The following EFNA5 variants were observed in gnomAD, a reference collection of about 807,000 sequenced individuals.
The protein encoded by EFNA5 is ephrin A5.
Under a neutral mutation model 22.9 loss-of-function variants are expected in EFNA5, and 5 were observed. The ratio of observed to expected loss-of-function variants is 0.22; its 90% CI spans 0.11 to 0.46. The LOEUF is 0.46. Ranked by LOEUF, EFNA5 falls within the 20% of genes least tolerant of loss-of-function variation. The pLI, the probability that EFNA5 is intolerant of heterozygous loss-of-function variation, is 0.99. For synonymous variants in EFNA5, 113 were observed against 112.2 expected (o/e 1.01, Z -0.04); for missense variants, 237 against 293.3 (o/e 0.81, Z 1.40).
At position 107,476,056 on chromosome 5, in the gene EFNA5, A is replaced by AT. The variant is rs1251405666; in HGVS notation, c.126-48548dup. Among the ~76,000 whole-genome samples the AT allele has an allele frequency of 6.3e-4, 73 of 115,390 alleles. 9 individuals are homozygous for AT. Among genetic ancestry groups the AT allele is most frequent in the East Asian group, 6.1e-3 (27 of 4,396 alleles). The allele number at this position is 115,390 out of a possible 152,430, so 75.7% of individuals were successfully genotyped here. On this transcript the variant is annotated intron_variant, in intron 1 of 4. Transcript: ENST00000333274. ...TTGAGAGTTTTTAAACTATATATAT[A>AT]TTTTTTTTTTTTGAGACAGAGTCTT...
chr5:107,638,877 T>C (rs921313563), intron 1 of EFNA5, among the ~76,000 whole-genome samples: 2 of 152,154 alleles, frequency 1.3e-5, no homozygotes, highest in African/African-American at 4.8e-5. Flanking sequence ...AACTAATGCA[T>C]ATGTTAAATA....
In EFNA5 at chr5:107,380,492, T is replaced by A; in HGVS notation, c.*763A>T. On this transcript the variant is annotated 3_prime_UTR_variant, in exon 5 of 5. Coordinates refer to ENST00000333274, the MANE Select transcript of EFNA5 (RefSeq NM_001962.3). ...CAGTCACCAAAAAAATTAGAGGCAC[T>A]CACACATACACACCCCCAGCAAACC... 1 of 166,146 alleles carries A rather than the reference T, an allele frequency of 6.0e-6. No individual in the cohort carries two copies. The allele number at this position is 166,146 out of a possible 1,614,324, so 10.3% of individuals were successfully genotyped here.
intron 1 of EFNA5, among the ~76,000 whole-genome samples, chr5:107,660,186 G>C (rs571817798): frequency 6.9e-6 from 1 of 144,810 alleles, no homozygotes; most frequent in Admixed American, 7.1e-5. Context: ...CTAATAACAG[G>C]CATTTAATTA....
chr5:107,511,391 T>G (rs1747367651), intron 1 of EFNA5, among the ~76,000 whole-genome samples: 1 of 152,132 alleles, frequency 6.6e-6, no homozygotes, highest in African/African-American at 2.4e-5. Context: ...TCAGGGATAT[T>G]TGAACACATT....
At chr5:107,417,793 T>C (rs911353388) in intron 2 of EFNA5, among the ~76,000 whole-genome samples, 3 of 152,182 alleles carry the variant, frequency 2.0e-5, no homozygotes, top group Non-Finnish European at 4.4e-5. Context: ...TTTGTGGTGA[T>C]TTATATTTCC....
At chr5:107,670,141 C>A (rs1320668736) in intron 1 of EFNA5, among the ~76,000 whole-genome samples, 2 of 151,876 alleles carry the variant, frequency 1.3e-5, no homozygotes, top group Non-Finnish European at 2.9e-5. Context: ...ACACTGGGGG[C>A]TCCCCGCGCC....
intron 1 of EFNA5, among the ~76,000 whole-genome samples, chr5:107,554,036 G>A (rs1316456088): frequency 6.6e-6 from 1 of 152,194 alleles, no homozygotes; most frequent in Non-Finnish European, 1.5e-5. Flanking sequence ...ACCTAGAGTT[G>A]AGAAGTAATT....
At chr5:107,670,300 C>A (rs905767757) in intron 1 of EFNA5, among the ~76,000 whole-genome samples, 189 bp downstream of exon 1, 12 of 152,148 alleles carry the variant, frequency 7.9e-5, no homozygotes, top group Admixed American at 3.9e-4. Context: ...GGCCTTTCCG[C>A]GGCGGCTTAA....
At chr5:107,589,187 A>G (rs1178231379) in intron 1 of EFNA5, among the ~76,000 whole-genome samples, 1 of 152,222 alleles carries the variant, frequency 6.6e-6, no homozygotes, top group African/African-American at 2.4e-5. Context: ...AGCCAACTGA[A>G]TTATGCTTGA....
intron 1 of EFNA5, among the ~76,000 whole-genome samples, chr5:107,570,165 C>T (rs546803322): frequency 6.6e-6 from 1 of 152,242 alleles, no homozygotes; most frequent in Admixed American, 6.5e-5. Context: ...AAAGGAAGGG[C>T]CTCTAATTTC....
At chr5:107,645,573 C>T (rs1750616434) in intron 1 of EFNA5, among the ~76,000 whole-genome samples, 1 of 152,164 alleles carries the variant, frequency 6.6e-6, no homozygotes, top group African/African-American at 2.4e-5. Flanking sequence ...TACCCTAAAA[C>T]ACCAGAACAA....
intron 1 of EFNA5, among the ~76,000 whole-genome samples, chr5:107,523,262 T>A (rs537444031): frequency 6.6e-6 from 1 of 152,280 alleles, no homozygotes; most frequent in Non-Finnish European, 1.5e-5. Context: ...AGCCATGATA[T>A]CATTCAGTTA....
chr5:107,655,785 G>A (rs777241786), intron 1 of EFNA5, among the ~76,000 whole-genome samples: 1 of 152,120 alleles, frequency 6.6e-6, no homozygotes, highest in Non-Finnish European at 1.5e-5. Flanking sequence ...CCCTTTGGCA[G>A]TAATCTATTA....
intron 1 of EFNA5, among the ~76,000 whole-genome samples, chr5:107,603,257 C>A (rs1359776250): frequency 6.6e-6 from 1 of 152,162 alleles, no homozygotes; most frequent in East Asian, 1.9e-4. Context: ...AGAGTCACTA[C>A]TCCTTTTAAT....
At chr5:107,495,674 C>T (rs1746957611) in intron 1 of EFNA5, among the ~76,000 whole-genome samples, 1 of 152,158 alleles carries the variant, frequency 6.6e-6, no homozygotes, top group South Asian at 2.1e-4. Flanking sequence ...TGTTCTCAAG[C>T]AGTTTGAAAC....
At chr5:107,521,847 CGCTAT>C (rs1747606403) in intron 1 of EFNA5, among the ~76,000 whole-genome samples, 1 of 152,002 alleles carries the variant, frequency 6.6e-6, no homozygotes, top group Admixed American at 6.6e-5. Context: ...AGTCAGTTCC[CGCTAT>C]GTTTTCCAGG....
At chr5:107,495,777 T>C (rs1460495019) in intron 1 of EFNA5, among the ~76,000 whole-genome samples, 4 of 152,148 alleles carry the variant, frequency 2.6e-5, no homozygotes, top group Admixed American at 6.5e-5. Context: ...GAAGTCAGGA[T>C]CTTCTAGTAT....
intron 1 of EFNA5, among the ~76,000 whole-genome samples, chr5:107,661,439 A>T (rs1469345345): frequency 1.2e-4 from 19 of 152,230 alleles, no homozygotes; most frequent in Admixed American, 1.2e-3. Flanking sequence ...CTCCATCTCA[A>T]AGTGTCAGTC....
At chr5:107,442,787 T>C (rs1749289135) in intron 1 of EFNA5, among the ~76,000 whole-genome samples, 1 of 152,072 alleles carries the variant, frequency 6.6e-6, no homozygotes, top group African/African-American at 2.4e-5. Context: ...GACTTTTTTT[T>C]TTCTCTTTTT....
Sources: gnomAD v4.1 joint callset for allele counts (sites outside exome capture counted in the v4.1 genomes callset) on GRCh38, gnomAD v4.1.1 for gene constraint, MANE v1.5 for transcripts, NCBI Gene and HGNC (gene_info 2026-07-23, HGNC 2026-07-21) for gene names.